The following SNX29 variants were observed in gnomAD, a reference collection of about 807,000 sequenced individuals.
The protein encoded by SNX29 is sorting nexin 29, also known as sorting nexin-29.
SNX29 carries 78 observed loss-of-function variants against 102.1 expected under a neutral mutation model. That is an observed-to-expected ratio of 0.76 (90% CI 0.64 to 0.92). SNX29 has a LOEUF of 0.92. SNX29 is among the 40% of genes least tolerant of loss of function. The pLI is 0.00. For missense variants in SNX29, 1,280 were observed against 1,061.7 expected, an observed-to-expected ratio of 1.21 and a Z score of -2.86; for synonymous variants, 580 against 414.5, an observed-to-expected ratio of 1.40 and a Z score of -4.85.
chr16:12,360,872 G>C (rs2082281434), intron 16 of SNX29, among the ~76,000 whole-genome samples: 1 of 152,220 alleles, frequency 6.6e-6, no homozygotes, highest in Non-Finnish European at 1.5e-5. Flanking sequence ...CTGAGGTTCA[G>C]AGAAGCCTCC....
At chr16:12,534,709 C>G (rs748973590) in intron 20 of SNX29, among the ~76,000 whole-genome samples, 22 of 152,222 alleles carry the variant, frequency 1.4e-4, no homozygotes, top group Non-Finnish European at 2.2e-4. Context: ...GGCGTTGCCA[C>G]TCCCCTGTCA....
At chr16:12,011,870 C>T (rs1425585068) in intron 3 of SNX29, among the ~76,000 whole-genome samples, 2 of 152,150 alleles carry the variant, frequency 1.3e-5, no homozygotes, top group Non-Finnish European at 2.9e-5. Context: ...AATAATGATA[C>T]TCACTTGCTA....
rs964986887 is a variant in SNX29, at chr16:12,542,098, T to C, written c.2318+17257T>C. Among the ~76,000 whole-genome samples, 9 of 152,208 alleles carry C rather than the reference T, an allele frequency of 5.9e-5. No homozygotes were observed. The East Asian group carries it at 1.7e-3, about 29-fold the overall frequency. On this transcript the variant is annotated intron_variant, in intron 20 of 20. Coordinates refer to ENST00000566228, the MANE Select transcript of SNX29 (RefSeq NM_032167.5). Reference sequence around the variant, plus strand: ...GTCCAAATCCTGCAATATTGTCTCTTCCCAACGGATCCCTAAATTGAGCCA... The same window carrying C: ...GTCCAAATCCTGCAATATTGTCTCTCCCCAACGGATCCCTAAATTGAGCCA...
Position 12,199,697 on chromosome 16 carries a change from T to C in SNX29, c.1678+14T>C. The C allele has an allele frequency of 6.2e-7, 1 of 1,608,658 alleles. No homozygotes were observed. Among genetic ancestry groups the C allele is most frequent in the Non-Finnish European group, 8.5e-7 (1 of 1,177,292 alleles). ...AAACAGCTGAAGGTGAGGGGGAGCC[T>C]GAGCCCGGGTTGGGAGGGGCCGGGC... On this transcript the variant is annotated intron_variant, in intron 14 of 20. Coordinates refer to ENST00000566228, the MANE Select transcript of SNX29 (RefSeq NM_032167.5).
intron 19 of SNX29, among the ~76,000 whole-genome samples, chr16:12,507,421 C>A (rs2089427120): frequency 1.3e-5 from 2 of 152,222 alleles, no homozygotes; most frequent in African/African-American, 2.4e-5. Context: ...CTCCCCAATT[C>A]CGTTTTCCAT....
chr16:12,018,826 T>C (rs1354706484), intron 3 of SNX29, among the ~76,000 whole-genome samples: 2 of 151,738 alleles, frequency 1.3e-5, no homozygotes, highest in Non-Finnish European at 2.9e-5. Context: ...GGGCTCAAGC[T>C]GTTCTCCTGC....
intron 13 of SNX29, among the ~76,000 whole-genome samples, chr16:12,182,794 TGTG>T (rs2076418277): frequency 6.6e-6 from 1 of 151,552 alleles, no homozygotes; most frequent in Non-Finnish European, 1.5e-5. Flanking sequence ...ATTAGCCAGG[TGTG>T]GTGGTGGGCA....
chr16:12,007,202 T>C (rs956795172), intron 3 of SNX29, among the ~76,000 whole-genome samples: 3 of 152,224 alleles, frequency 2.0e-5, no homozygotes, highest in East Asian at 1.9e-4. Flanking sequence ...TTGTCCCTAT[T>C]CTGTGAGAAA....
At chr16:12,400,730 G>A (rs2083906029) in intron 17 of SNX29, among the ~76,000 whole-genome samples, 1 of 152,180 alleles carries the variant, frequency 6.6e-6, no homozygotes, top group South Asian at 2.1e-4. Flanking sequence ...TGACAACAAA[G>A]CTTCAGAACA....
At chr16:12,565,457 T>A (rs922276591) in intron 20 of SNX29, among the ~76,000 whole-genome samples, 2 of 152,140 alleles carry the variant, frequency 1.3e-5, no homozygotes, top group African/African-American at 2.4e-5. Flanking sequence ...CTCCTCATCC[T>A]GGGTTCTCTC....
At chr16:12,156,604 A>T (rs1006337400) in intron 13 of SNX29, among the ~76,000 whole-genome samples, 4 of 152,212 alleles carry the variant, frequency 2.6e-5, no homozygotes, top group African/African-American at 9.6e-5. Context: ...GGTGTGCAGG[A>T]AGGTTTCCCT....
intron 20 of SNX29, among the ~76,000 whole-genome samples, chr16:12,549,601 C>G (rs1000008671): frequency 6.6e-6 from 1 of 152,186 alleles, no homozygotes; most frequent in South Asian, 2.1e-4. Flanking sequence ...CCTTTTTCTA[C>G]TCCAGAGTCC....
chr16:12,496,620 C>T (rs1019694726), intron 19 of SNX29, among the ~76,000 whole-genome samples: 2 of 150,528 alleles, frequency 1.3e-5, no homozygotes, highest in African/African-American at 4.9e-5. Context: ...AAACAGTTCT[C>T]CTGCGTCAGC....
chr16:12,006,721 A>C (rs139801984), intron 3 of SNX29, among the ~76,000 whole-genome samples: 4,473 of 151,986 alleles, frequency 0.029, 87 homozygotes, highest in Non-Finnish European at 0.044. Flanking sequence ...CCCAGGCTCA[A>C]GATCTTCCCA....
At chr16:12,432,835 G>A (rs1450386378) in intron 18 of SNX29, among the ~76,000 whole-genome samples, 3 of 152,204 alleles carry the variant, frequency 2.0e-5, no homozygotes, top group African/African-American at 4.8e-5. Flanking sequence ...TCTTGCAGCC[G>A]GGGAGCAGGG....
At chr16:12,121,089 T>TA (rs2053952997) in intron 11 of SNX29, among the ~76,000 whole-genome samples, 1 of 152,232 alleles carries the variant, frequency 6.6e-6, no homozygotes, top group Non-Finnish European at 1.5e-5. Flanking sequence ...TTACGCATCT[T>TA]ACCTTTGATC....
chr16:12,066,323 G>A (rs2051035863), intron 9 of SNX29, among the ~76,000 whole-genome samples: 1 of 152,192 alleles, frequency 6.6e-6, no homozygotes, highest in African/African-American at 2.4e-5. Context: ...GCCAAGAGGA[G>A]GAGGTCATTT....
chr16:12,536,737 G>C (rs952479192), intron 20 of SNX29, among the ~76,000 whole-genome samples: 1 of 152,190 alleles, frequency 6.6e-6, no homozygotes, highest in East Asian at 1.9e-4. Flanking sequence ...CAACACTTTG[G>C]GAGGTCAAGG....
chr16:12,204,790 G>A (rs1006813040), intron 14 of SNX29, among the ~76,000 whole-genome samples: 1 of 152,226 alleles, frequency 6.6e-6, no homozygotes, highest in Non-Finnish European at 1.5e-5. Flanking sequence ...GGGATTCCTG[G>A]CTCCACACCC....
Sources: allele counts gnomAD v4.1 joint callset (sites outside exome capture counted in the v4.1 genomes callset), GRCh38; gene constraint gnomAD v4.1.1; transcripts MANE v1.5; gene names NCBI Gene and HGNC (gene_info 2026-07-23, HGNC 2026-07-21).